RNGTT: variants seen among roughly 807,000 people sequenced by gnomAD.
RNGTT encodes RNA guanylyltransferase and 5'-phosphatase.
RNGTT carries 33 observed loss-of-function variants against 79.3 expected under a neutral mutation model. The ratio of observed to expected loss-of-function variants is 0.42; its 90% CI spans 0.32 to 0.56. The LOEUF is 0.56. Among genes scored for constraint, RNGTT ranks in the 20% least tolerant of loss-of-function variants. The pLI is 0.17. For synonymous variants in RNGTT, 222 were observed against 235.9 expected (o/e 0.94, Z 0.54); for missense variants, 497 against 739.1 (o/e 0.67, Z 3.80).
intron 13 of RNGTT, among the ~76,000 whole-genome samples, chr6:88,711,822 T>C (rs1562210322): frequency 1.3e-5 from 2 of 152,244 alleles, no homozygotes; most frequent in Non-Finnish European, 2.9e-5. Flanking sequence ...TTTGAGCACC[T>C]ATTGTGTGGT....
intron 1 of RNGTT, among the ~76,000 whole-genome samples, chr6:88,962,877 G>A (rs2127969211): frequency 6.6e-6 from 1 of 152,184 alleles, no homozygotes; most frequent in Non-Finnish European, 1.5e-5. Context: ...TGTCTCACAA[G>A]AAAATAAAAA....
In RNGTT at chr6:88,792,438, CA is replaced by C. The variant is rs201036372; in HGVS notation, c.1338+9125del. Among the ~76,000 whole-genome samples, 622 of 152,216 alleles carry C rather than the reference CA, an allele frequency of 4.1e-3. 3 individuals carry two copies. The highest frequency in any genetic ancestry group is 0.014 in the African/African-American group (587 of 41,550). ...GGAAATTGATGACAATGTATAAGCA[CA>C]AAAGAAGTGAGAAAAATCTTAAGTA... On this transcript the variant is annotated intron_variant, in intron 12 of 15. Coordinates refer to ENST00000369485, the MANE Select transcript of RNGTT (RefSeq NM_003800.5).
At chr6:88,674,281 C>T (rs984044068) in intron 14 of RNGTT, among the ~76,000 whole-genome samples, 18 of 152,140 alleles carry the variant, frequency 1.2e-4, no homozygotes, top group African/African-American at 4.3e-4. Context: ...GGCATGGTGG[C>T]TCACACCTGT....
At chr6:88,845,196 G>C (rs538221746) in intron 10 of RNGTT, among the ~76,000 whole-genome samples, 1 of 151,544 alleles carries the variant, frequency 6.6e-6, no homozygotes, top group African/African-American at 2.4e-5. Flanking sequence ...TGTTTAAAGT[G>C]CTAATGCTAT....
chr6:88,946,640 C>T (rs944770911), intron 1 of RNGTT, among the ~76,000 whole-genome samples: 1 of 151,736 alleles, frequency 6.6e-6, no homozygotes, highest in Non-Finnish European at 1.5e-5. Context: ...CCCTCTCCCT[C>T]TCCCTCTCCC....
chr6:88,878,206 G>A (rs939198530), intron 8 of RNGTT, among the ~76,000 whole-genome samples: 24 of 151,804 alleles, frequency 1.6e-4, no homozygotes, highest in Admixed American at 4.6e-4. Flanking sequence ...AACGTTTCTC[G>A]TGTCTCAGCC....
intron 8 of RNGTT, among the ~76,000 whole-genome samples, chr6:88,857,559 T>C (rs1781881236): frequency 6.6e-6 from 1 of 152,138 alleles, no homozygotes; most frequent in African/African-American, 2.4e-5. Flanking sequence ...CAAATGTCCA[T>C]CATTCAGCAA....
chr6:88,922,783 C>T, intron 4 of RNGTT, among the ~76,000 whole-genome samples: 1 of 152,156 alleles, frequency 6.6e-6, no homozygotes, highest in East Asian at 1.9e-4. Flanking sequence ...CCCGCCTCGG[C>T]CTCCCAAAGT....
intron 13 of RNGTT, among the ~76,000 whole-genome samples, chr6:88,745,245 T>C (rs564996441): frequency 6.6e-6 from 1 of 152,220 alleles, no homozygotes; most frequent in Admixed American, 6.5e-5. Context: ...ATCTATATCA[T>C]CTACTCTGAT....
chr6:88,652,087 AT>A (rs1171357210), intron 14 of RNGTT, among the ~76,000 whole-genome samples: 1 of 152,178 alleles, frequency 6.6e-6, no homozygotes, highest in Non-Finnish European at 1.5e-5. Flanking sequence ...CAGAAGCAAC[AT>A]ATTATTTTAG....
chr6:88,647,771 A>G (rs1331612659), intron 14 of RNGTT, among the ~76,000 whole-genome samples: 1 of 150,878 alleles, frequency 6.6e-6, no homozygotes, highest in Non-Finnish European at 1.5e-5. Flanking sequence ...AGGGGAGGGA[A>G]CGAAAAACAT....
intron 10 of RNGTT, 45 bp downstream of exon 10, chr6:88,849,710 A>T: frequency 6.9e-7 from 1 of 1,458,190 alleles, no homozygotes; most frequent in Non-Finnish European, 9.1e-7. Flanking sequence ...AAATACATTC[A>T]TTATTTCAGT....
At chr6:88,860,944 C>T (rs147904720) in intron 8 of RNGTT, among the ~76,000 whole-genome samples, 1 of 151,814 alleles carries the variant, frequency 6.6e-6, no homozygotes, top group African/African-American at 2.4e-5. Flanking sequence ...ATGTCCCTAA[C>T]ATATCCTTAA....
intron 14 of RNGTT, among the ~76,000 whole-genome samples, chr6:88,634,705 TA>T (rs1773032409): frequency 6.6e-6 from 1 of 152,032 alleles, no homozygotes; most frequent in Non-Finnish European, 1.5e-5. Context: ...TTAGAATAAG[TA>T]CTACAACGAA....
chr6:88,893,642 A>G (rs1001742956), intron 6 of RNGTT, among the ~76,000 whole-genome samples: 1 of 152,168 alleles, frequency 6.6e-6, no homozygotes, highest in African/African-American at 2.4e-5. Context: ...ATCAGTACAG[A>G]TCTAACAACT....
intron 14 of RNGTT, 42 bp downstream of exon 14, chr6:88,678,311 G>T (rs538027262): frequency 3.2e-6 from 5 of 1,581,930 alleles, no homozygotes; most frequent in Middle Eastern, 1.7e-4. Flanking sequence ...TTCTAGATAA[G>T]AGAACATCCA....
chr6:88,692,186 A>G (rs1775506590), intron 13 of RNGTT, among the ~76,000 whole-genome samples: 3 of 152,168 alleles, frequency 2.0e-5, no homozygotes, highest in Admixed American at 6.6e-5. Context: ...AGTGCAGCCC[A>G]TGACTACTCT....
Position 88,810,879 on chromosome 6 carries a change from A to G in RNGTT, c.1270-9247T>C, listed in dbSNP as rs1349173090. ...ATAGATATTTCCTGACTGCCTTCCA[A>G]TGCTAGAAACCAAGCCAGCATTAGG... On this transcript the variant is annotated intron_variant, in intron 11 of 15. Coordinates refer to ENST00000369485, the MANE Select transcript of RNGTT (RefSeq NM_003800.5). Among the ~76,000 whole-genome samples, 4 of 152,196 alleles carry G rather than the reference A, an allele frequency of 2.6e-5. No individual in the cohort carries two copies. The East Asian group carries it at 5.8e-4, about 22-fold the overall frequency.
intron 8 of RNGTT, among the ~76,000 whole-genome samples, chr6:88,889,389 G>T (rs1021848089): frequency 2.6e-5 from 4 of 152,102 alleles, no homozygotes; most frequent in African/African-American, 9.7e-5. Context: ...AAAATAGGTT[G>T]TATCTGCTCC....
Sources: gnomAD v4.1 joint callset for allele counts (sites outside exome capture counted in the v4.1 genomes callset) on GRCh38, gnomAD v4.1.1 for gene constraint, MANE v1.5 for transcripts, NCBI Gene and HGNC (gene_info 2026-07-23, HGNC 2026-07-21) for gene names.